Variants in CC2D2A observed in about 807,000 individuals in gnomAD.
CC2D2A encodes the protein coiled-coil and C2 domain-containing protein 2A.
Under a neutral mutation model 212.9 loss-of-function variants are expected in CC2D2A, and 155 were observed. The ratio of observed to expected loss-of-function variants is 0.73; its 90% CI spans 0.64 to 0.83. The LOEUF is 0.83. Among genes scored for constraint, CC2D2A ranks in the 40% least tolerant of loss-of-function variants. The pLI is 0.00. For missense variants in CC2D2A, 1,856 were observed against 1,956.2 expected (o/e 0.95, Z 0.97); for synonymous variants, 667 against 686.5 (o/e 0.97, Z 0.44).
At chr4:15,554,943 C>T (rs1719203014) in intron 19 of CC2D2A, 129 bp from the exon 20 acceptor site, 2 of 896,808 alleles carry the variant, frequency 2.2e-6, no homozygotes, top group East Asian at 5.3e-5. Context: ...CAAAATCCTT[C>T]CTTATGATAA....
chr4:15,516,268 C>G (rs1208862530), intron 10 of CC2D2A, among the ~76,000 whole-genome samples: 2 of 152,148 alleles, frequency 1.3e-5, no homozygotes, highest in Non-Finnish European at 2.9e-5. Flanking sequence ...CAACATTTTC[C>G]TACTTGACAG....
intron 28 of CC2D2A, 60 bp from the exon 29 acceptor site, chr4:15,574,090 C>A: frequency 2.2e-6 from 3 of 1,379,486 alleles, no homozygotes; most frequent in Non-Finnish European, 2.9e-6. Flanking sequence ...TTGACACTTG[C>A]CTCTCAACTT....
intron 28 of CC2D2A, 136 bp from the exon 29 acceptor site, chr4:15,574,013 GA>G (rs1720284713): frequency 1.5e-6 from 1 of 650,814 alleles, no homozygotes; most frequent in Non-Finnish European, 2.6e-6. Flanking sequence ...GATGAGATTA[GA>G]AAGATGGGAT....
chr4:15,506,172 A>G (rs1349980751), intron 6 of CC2D2A, among the ~76,000 whole-genome samples: 4 of 152,226 alleles, frequency 2.6e-5, no homozygotes, highest in African/African-American at 7.2e-5. Context: ...CAAATGTATT[A>G]TAGTTCTTTA....
At chr4:15,526,444 G>A (rs893982262) in intron 11 of CC2D2A, among the ~76,000 whole-genome samples, 6 of 152,112 alleles carry the variant, frequency 3.9e-5, no homozygotes, top group Non-Finnish European at 5.9e-5. Context: ...ATAACACCAT[G>A]CAAAAGAATT....
chr4:15,507,738 A>G (rs1231114406), intron 6 of CC2D2A, among the ~76,000 whole-genome samples: 3 of 152,220 alleles, frequency 2.0e-5, no homozygotes, highest in Non-Finnish European at 4.4e-5. Flanking sequence ...AATGATTTTT[A>G]GGGGAATTCA....
At chr4:15,536,372 G>A (rs1362012320) in intron 14 of CC2D2A, among the ~76,000 whole-genome samples, 1 of 152,126 alleles carries the variant, frequency 6.6e-6, no homozygotes, top group Non-Finnish European at 1.5e-5. Context: ...ATGGGTTGAT[G>A]CATGCAGTAA....
intron 31 of CC2D2A, 74 bp downstream of exon 31, chr4:15,586,320 T>A: frequency 2.3e-6 from 2 of 879,626 alleles, no homozygotes; most frequent in Non-Finnish European, 1.7e-6. Flanking sequence ...ACTTGCATAA[T>A]TTTAAATTGC....
intron 14 of CC2D2A, among the ~76,000 whole-genome samples, chr4:15,533,932 A>G (rs563160708): frequency 6.6e-6 from 1 of 152,336 alleles, no homozygotes; most frequent in Non-Finnish European, 1.5e-5. Flanking sequence ...TTCCAAACGT[A>G]TTCCAGAAGT....
In CC2D2A at chr4:15,553,217, A is replaced by G. The variant is rs751256652; in HGVS notation, c.2398A>G (p.Lys800Glu). 4.3e-6 allele frequency: 7 copies of G among 1,612,246 alleles called. No individual in the cohort carries two copies. The Admixed American group carries it at 6.7e-5, about 15-fold the overall frequency. The change falls in exon 19 of 37, where the codon AAA (lysine) becomes GAA (glutamate). Residue 800 changes from lysine (K) to glutamate (E), a missense_variant. Coordinates refer to ENST00000424120, the MANE Select transcript of CC2D2A (RefSeq NM_001378615.1). ...SNQLTLMTSG[K>E]VSHSVAWAIG... ...CCAGCTGACTCTGATGACCTCAGGG[A>G]AAGTGTCTCATAGTGTGGCATGGGC...
intron 7 of CC2D2A, among the ~76,000 whole-genome samples, chr4:15,510,445 A>T (rs1716508357): frequency 6.6e-6 from 1 of 152,072 alleles, no homozygotes; most frequent in South Asian, 2.1e-4. Flanking sequence ...AAAATACAAA[A>T]ATTAGCCAGA....
At chr4:15,500,099 G>GTATATATATATATATATATA (rs71179633) in intron 4 of CC2D2A, among the ~76,000 whole-genome samples, 1 of 69,820 alleles carries the variant, frequency 1.4e-5, no homozygotes, top group African/African-American at 4.5e-5. Context: ...GTGTGTGTGT[G>GTATATATATATATATATATA]TGTGTGTGTA....
At chr4:15,563,929 C>T (rs1338661219) in intron 24 of CC2D2A, 1 of 179,818 alleles carries the variant, frequency 5.6e-6, no homozygotes, top group Non-Finnish European at 1.2e-5. Context: ...AAGGTGCTAA[C>T]TTGGCCAGGT....
chr4:15,571,182 C>T (rs1421655846), intron 28 of CC2D2A, among the ~76,000 whole-genome samples: 1 of 152,194 alleles, frequency 6.6e-6, no homozygotes, highest in Admixed American at 6.5e-5. Context: ...CTGAAAGTAA[C>T]TTGAAGAAAA....
rs763217680 is a variant in CC2D2A at position 15,480,809 on chromosome 4, G to A, written c.229G>A (p.Val77Ile). 6.2e-6 allele frequency: 10 copies of A among 1,612,722 alleles called. 1 individual carries two copies. The South Asian group carries it at 6.6e-5, about 11-fold the overall frequency. Reference sequence around the variant, plus strand: ...CAAGACCCGCCTCCTGAGTATGACAGTCCGGAGAGGCCCACGGAGTAAGTG... The same window carrying A: ...CAAGACCCGCCTCCTGAGTATGACAATCCGGAGAGGCCCACGGAGTAAGTG... ...EPKTRLLSMT[V>I]RRGPRSLPPI... The change falls in exon 4 of 37, where the codon GTC (valine) becomes ATC (isoleucine). Residue 77 changes from valine to isoleucine, a missense_variant. Coordinates refer to ENST00000424120, the MANE Select transcript of CC2D2A (RefSeq NM_001378615.1).
chr4:15,479,162 A>G, intron 3 of CC2D2A: 2 of 1,254,666 alleles, frequency 1.6e-6, no homozygotes, highest in Non-Finnish European at 2.2e-6. Flanking sequence ...GTACACGATT[A>G]CAAATCTTGG....
At chr4:15,592,210 C>T (rs750724931) in intron 33 of CC2D2A, among the ~76,000 whole-genome samples, 25 of 152,082 alleles carry the variant, frequency 1.6e-4, no homozygotes, top group Non-Finnish European at 3.4e-4. Flanking sequence ...TTTTTTCTCT[C>T]TCCTCCTCTA....
intron 19 of CC2D2A, 93 bp downstream of exon 19, chr4:15,553,398 C>T: frequency 7.3e-7 from 1 of 1,364,698 alleles, no homozygotes; most frequent in South Asian, 1.4e-5. Flanking sequence ...CATATTCTTT[C>T]CTTTTATTGT....
At chr4:15,578,370 A>G (rs1041508288) in intron 29 of CC2D2A, among the ~76,000 whole-genome samples, 2 of 152,336 alleles carry the variant, frequency 1.3e-5, no homozygotes, top group East Asian at 3.9e-4. Flanking sequence ...TTCAGCCCCA[A>G]TATAAGGGGC....
Sources: gnomAD v4.1 joint callset for allele counts (sites outside exome capture counted in the v4.1 genomes callset) on GRCh38, gnomAD v4.1.1 for gene constraint, MANE v1.5 for transcripts, NCBI Gene and HGNC (gene_info 2026-07-23, HGNC 2026-07-21) for gene names.